MFGE8: variants seen among roughly 807,000 people sequenced by gnomAD.
MFGE8 encodes milk fat globule EGF and factor V/VIII domain containing, also known as lactadherin.
A neutral mutation model predicts 42.6 loss-of-function variants in MFGE8; 34 were observed. That is an observed-to-expected ratio of 0.80 (90% CI 0.61 to 1.06). MFGE8 has a LOEUF of 1.06. MFGE8 is among the 50% of genes least tolerant of loss of function. The pLI is 0.00. For synonymous variants in MFGE8, 230 were observed against 214.8 expected, an observed-to-expected ratio of 1.07 and a Z score of -0.62; for missense variants, 510 against 516.9, an observed-to-expected ratio of 0.99 and a Z score of 0.13.
chr15:88,900,999 A>ATT (rs1898337851), intron 6 of MFGE8, among the ~76,000 whole-genome samples: 1 of 111,478 alleles, frequency 9.0e-6, no homozygotes, highest in East Asian at 2.2e-4. Context: ...TCACACACAC[A>ATT]CATTCACACA....
At chr15:88,900,797 T>C in intron 6 of MFGE8, 2 of 964,960 alleles carry the variant, frequency 2.1e-6, no homozygotes, top group Non-Finnish European at 2.5e-6. Context: ...ACATGGTGGC[T>C]TCTTAGACAC....
intron 1 of MFGE8, chr15:88,912,067 A>G: frequency 7.9e-7 from 1 of 1,269,072 alleles, no homozygotes; most frequent in Non-Finnish European, 1.0e-6. Flanking sequence ...CTCCAGGGCA[A>G]AACGGTCCAG....
Position 88,906,514 on chromosome 15 carries a change from C to T in MFGE8, c.540+112G>A. On this transcript the variant is annotated intron_variant, in intron 4 of 7. Coordinates refer to ENST00000268150, the MANE Select transcript of MFGE8 (RefSeq NM_005928.4). This position sits in a 1 kb window ranked among gnomAD's most constrained non-coding sequence, Gnocchi z 4.2. The stretch of plus-strand genomic sequence containing the variant: ...AAGCCAAGATGCACCCGAAGACCCA[C>T]ATCATAGCCAATCACCTAGGGTTCT... 7.8e-7 allele frequency: 1 copy of T among 1,275,884 alleles called. No homozygotes were observed. The highest frequency in any genetic ancestry group is 1.1e-6 in the Non-Finnish European group (1 of 874,974). The allele number at this position is 1,275,884 out of a possible 1,614,324, so 79.0% of individuals were successfully genotyped here. A position where few individuals can be genotyped will look rare whatever the true frequency, so the allele number is the denominator to read the frequency against.
intron 3 of MFGE8, 141 bp downstream of exon 3, chr15:88,907,054 T>C: frequency 8.8e-7 from 1 of 1,137,460 alleles, no homozygotes; most frequent in Non-Finnish European, 1.3e-6. Flanking sequence ...GCCATCCACT[T>C]ACAGATACTT....
Position 88,903,070 on chromosome 15 carries a change from G to A in MFGE8, c.686-1335C>T, listed in dbSNP as rs12148547. The A allele has an allele frequency of 0.23, 35,103 of 152,170 alleles. 4,365 individuals are homozygous for A. Among genetic ancestry groups the A allele is most frequent in the Non-Finnish European group, 0.28 (18,832 of 68,012 alleles). The allele number at this position is 152,170 out of a possible 1,614,324, so 9.4% of individuals were successfully genotyped here. On this transcript the variant is annotated intron_variant, in intron 5 of 7. Coordinates refer to ENST00000268150, the MANE Select transcript of MFGE8 (RefSeq NM_005928.4). The surrounding 1 kb of genome is among the most constrained non-coding windows in gnomAD (Gnocchi z 4.9). Reference sequence around the variant, plus strand: ...CCTTCCCCCTCAAAGAGAGGCTCCCGGGCTGAGAGCTGGTTGTCCCTTGGC... The same window carrying A: ...CCTTCCCCCTCAAAGAGAGGCTCCCAGGCTGAGAGCTGGTTGTCCCTTGGC...
At position 88,909,935 on chromosome 15, in the gene MFGE8, G is replaced by C. The variant is rs757837874; in HGVS notation, c.74-12C>G. ...TTTGGAACAGATATCTGGGGACAGA[G>C]ACAGGTAAGATGAGCAGATGATCAG... is the stretch of plus-strand genomic sequence containing the variant. On this transcript the variant is annotated splice_polypyrimidine_tract_variant and intron_variant, in intron 1 of 7. Transcript: ENST00000268150. The C allele has an allele frequency of 9.9e-6, 16 of 1,613,832 alleles. No individual in the cohort carries two copies. The East Asian group carries it at 2.9e-4, about 29-fold the overall frequency.
At chr15:88,909,322 A>C (rs1277149158) in intron 2 of MFGE8, among the ~76,000 whole-genome samples, 1 of 152,244 alleles carries the variant, frequency 6.6e-6, no homozygotes, top group Non-Finnish European at 1.5e-5. Context: ...ATGAGGCTGC[A>C]GGTCAAACTT....
chr15:88,909,261 G>A (rs965918924), intron 2 of MFGE8, among the ~76,000 whole-genome samples: 1 of 152,214 alleles, frequency 6.6e-6, no homozygotes, highest in African/African-American at 2.4e-5. Flanking sequence ...ACCTGACCGC[G>A]TGGGGATGGT....
chr15:88,901,417 G>T, intron 6 of MFGE8, 134 bp downstream of exon 6: 3 of 850,486 alleles, frequency 3.5e-6, no homozygotes, highest in Non-Finnish European at 3.7e-6. Context: ...AAGAAAAGCC[G>T]AAGAAAAACA....
At chr15:88,907,784 C>T (rs1362173427) in intron 2 of MFGE8, among the ~76,000 whole-genome samples, 1 of 151,950 alleles carries the variant, frequency 6.6e-6, no homozygotes, top group East Asian at 1.9e-4. Flanking sequence ...AGGGGTTAGA[C>T]TGGTGGCACA....
Position 88,903,045 on chromosome 15 carries a change from C to A in MFGE8, c.686-1310G>T, listed in dbSNP as rs1265778067. The A allele has an allele frequency of 6.6e-6, 1 of 152,238 alleles. No homozygotes were observed. Among genetic ancestry groups the A allele is most frequent in the Non-Finnish European group, 1.5e-5 (1 of 68,062 alleles). 9.4% of individuals were successfully genotyped at this position (152,238 alleles called of 1,614,324 possible). A position where few individuals can be genotyped will look rare whatever the true frequency, so the allele number is the denominator to read the frequency against. On this transcript the variant is annotated intron_variant, in intron 5 of 7. Transcript: ENST00000268150. This position sits in a 1 kb window ranked among gnomAD's most constrained non-coding sequence, Gnocchi z 4.9. ...ATGGTGATGCACCAGGGAACCACCACCTTCCCCCTCAAAGAGAGGCTCCCG... is the reference window on the plus strand; with the variant it reads ...ATGGTGATGCACCAGGGAACCACCAACTTCCCCCTCAAAGAGAGGCTCCCG...
chr15:88,911,833 A>G (rs1219955027), intron 1 of MFGE8, among the ~76,000 whole-genome samples: 2 of 152,086 alleles, frequency 1.3e-5, no homozygotes, highest in Non-Finnish European at 2.9e-5. Context: ...ATCCCACTCC[A>G]GGGAAGGCAA....
chr15:88,901,686 C>T lies in MFGE8; in HGVS notation c.735G>A (p.Gln245=). 2.5e-6 allele frequency: 4 copies of T among 1,613,886 alleles called. No homozygotes were observed. The highest frequency in any genetic ancestry group is 1.7e-6 in the Non-Finnish European group (2 of 1,180,004). ...TCTTGTAGCTGCTGGAGGCCGTGATCTGCTTGTCAGGGATGCTGTTATTCT... is the reference window on the plus strand; with the variant it reads ...TCTTGTAGCTGCTGGAGGCCGTGATTTGCTTGTCAGGGATGCTGTTATTCT... ...GLKNNSIPDK[Q]ITASSSYKTW... is the part of the protein sequence containing the mutation. The change falls in exon 6 of 8, where the codon CAG becomes CAA. Residue 245 remains glutamine (Q), a synonymous_variant. Coordinates refer to ENST00000268150, the MANE Select transcript of MFGE8 (RefSeq NM_005928.4).
rs1370922975 is a variant in MFGE8, at chr15:88,905,128, G to A, written c.685+629C>T. On this transcript the variant is annotated intron_variant, in intron 5 of 7. Transcript: ENST00000268150. This position sits in a 1 kb window ranked among gnomAD's most constrained non-coding sequence, Gnocchi z 6.6. ...GGGAATCTCTTTGGAAAAGGCAGCA[G>A]GAAGCACCAGCTCCAAGCCCTGTGG... Among the ~76,000 whole-genome samples the A allele has an allele frequency of 6.6e-6, 1 of 152,164 alleles. No individual in the cohort carries two copies.
Position 88,899,978 on chromosome 15 carries a change from C to T in MFGE8, c.871-167G>A, listed in dbSNP as rs867316347. Among the ~76,000 whole-genome samples the T allele has an allele frequency of 2.6e-5, 4 of 152,174 alleles. No individual in the cohort carries two copies. The highest frequency in any genetic ancestry group is 6.5e-5 in the Admixed American group (1 of 15,282). ...TAAGGCCGGACATGGTGTCTCATGC[C>T]TATAATCCCAACACTTTGGGAGAGA... is the stretch of plus-strand genomic sequence containing the variant. On this transcript the variant is annotated intron_variant, in intron 6 of 7. Coordinates refer to ENST00000268150, the MANE Select transcript of MFGE8 (RefSeq NM_005928.4). The surrounding 1 kb of genome is among the most constrained non-coding windows in gnomAD (Gnocchi z 6.8).
At chr15:88,909,686 T>C in intron 2 of MFGE8, 106 bp downstream of exon 2, 4 of 1,548,682 alleles carry the variant, frequency 2.6e-6, no homozygotes, top group Non-Finnish European at 3.6e-6. Flanking sequence ...TCCACTGGGG[T>C]GGGGATCACA....
In MFGE8 at chr15:88,913,252, G is replaced by A; in HGVS notation, c.68C>T (p.Ala23Val). Reference sequence around the variant, plus strand: ...GGGCGGCGCGATCCACTCACCCAGGGCGACGAGGAGGCTGGGGGCGCAGAG... The same window carrying A: ...GGGCGGCGCGATCCACTCACCCAGGACGACGAGGAGGCTGGGGGCGCAGAG... The part of the protein sequence containing the change: ...ALLCAPSLLV[A>V]LDICSKNPCH... Residue 23 changes from alanine (A) to valine (V), a missense_variant, in exon 1 of 8, where the codon GCC (alanine) becomes GTC (valine). By Grantham distance (64) the Ala-to-Val change is moderately conservative (BLOSUM62 0). Coordinates refer to ENST00000268150, the MANE Select transcript of MFGE8 (RefSeq NM_005928.4). 4 of 1,505,848 alleles carry A rather than the reference G, an allele frequency of 2.7e-6. No individual in the cohort carries two copies. The highest frequency in any genetic ancestry group is 2.6e-6 in the Non-Finnish European group (3 of 1,135,150). The allele number at this position is 1,505,848 out of a possible 1,614,324, so 93.3% of individuals were successfully genotyped here.
chr15:88,912,726 C>G (rs1263884263), intron 1 of MFGE8: 1 of 985,256 alleles, frequency 1.0e-6, no homozygotes, highest in Non-Finnish European at 1.2e-6. Context: ...TTACGGCCTG[C>G]GTCCATTGCA....
intron 1 of MFGE8, chr15:88,912,514 C>T (rs1370763068): frequency 9.1e-6 from 9 of 985,394 alleles, no homozygotes; most frequent in Non-Finnish European, 1.1e-5. Context: ...CAGCGCTCCA[C>T]GGTGAATGGC....
Sources: allele counts gnomAD v4.1 joint callset (sites outside exome capture counted in the v4.1 genomes callset), GRCh38; gene constraint gnomAD v4.1.1; non-coding constraint Gnocchi (gnomAD v3.1); transcripts MANE v1.5; gene names NCBI Gene and HGNC (gene_info 2026-07-23, HGNC 2026-07-21).